MED12L: variants seen among roughly 807,000 people sequenced by gnomAD.
The protein encoded by MED12L is mediator complex subunit 12L, also known as mediator of RNA polymerase II transcription subunit 12-like protein.
In MED12L, 60 loss-of-function variants were observed where a neutral mutation model predicts 281.3. The observed-to-expected ratio is 0.21, with a 90% confidence interval of 0.17 to 0.26. The LOEUF is 0.26. Among genes scored for constraint, MED12L ranks in the 10% least tolerant of loss-of-function variants. MED12L has a pLI of 1.00. For synonymous variants in MED12L, 974 were observed against 987.2 expected, an observed-to-expected ratio of 0.99 and a Z score of 0.25; for missense variants, 2,146 against 2,680.9, an observed-to-expected ratio of 0.80 and a Z score of 4.41.
At chr3:151,191,905 A>T (rs1035573411) in intron 14 of MED12L, among the ~76,000 whole-genome samples, 1 of 151,970 alleles carries the variant, frequency 6.6e-6, no homozygotes, top group Non-Finnish European at 1.5e-5. Context: ...AAACTGTCTC[A>T]AAAAAACAAA....
chr3:151,120,697 A>G (rs1034188578), intron 3 of MED12L, among the ~76,000 whole-genome samples: 10 of 152,240 alleles, frequency 6.6e-5, no homozygotes, highest in African/African-American at 2.4e-4. Context: ...TAAGAAATGA[A>G]TCAAATTGTT....
At chr3:151,108,621 G>A (rs1422095382) in intron 2 of MED12L, among the ~76,000 whole-genome samples, 1 of 152,092 alleles carries the variant, frequency 6.6e-6, no homozygotes, top group African/African-American at 2.4e-5. Context: ...GCGCATAGAG[G>A]GATATTTTTC....
At chr3:151,325,749 G>A (rs1749521235) in intron 16 of MED12L, among the ~76,000 whole-genome samples, 1 of 152,086 alleles carries the variant, frequency 6.6e-6, no homozygotes, top group Non-Finnish European at 1.5e-5. Context: ...CCCAAAAATT[G>A]TATACTTTAG....
At chr3:151,170,869 G>T (rs1201709112) in intron 11 of MED12L, among the ~76,000 whole-genome samples, 1 of 152,152 alleles carries the variant, frequency 6.6e-6, no homozygotes, top group Non-Finnish European at 1.5e-5. Context: ...GGTGGTGGGG[G>T]TTGAGGTGTC....
chr3:151,179,389 G>A (rs760500824), intron 11 of MED12L, among the ~76,000 whole-genome samples: 7 of 152,166 alleles, frequency 4.6e-5, no homozygotes, highest in Non-Finnish European at 8.8e-5. Context: ...TATTTGGTCA[G>A]GGCTGGTCTA....
chr3:151,251,039 A>G (rs746815108), intron 16 of MED12L, among the ~76,000 whole-genome samples: 7 of 152,202 alleles, frequency 4.6e-5, no homozygotes, highest in Non-Finnish European at 1.0e-4. Context: ...GTACTTTGGC[A>G]TACTGCCCTT....
At chr3:151,118,090 CAAAAAA>C (rs778516389) in intron 3 of MED12L, among the ~76,000 whole-genome samples, 6 of 87,832 alleles carry the variant, frequency 6.8e-5, no homozygotes, top group African/African-American at 2.2e-4. Context: ...GACTCCATCT[CAAAAAA>C]AAAAAAAAAA....
In MED12L at chr3:151,344,708, C is replaced by A. The variant is rs529284461; in HGVS notation, c.2251-5351C>A. ...TGTCTTATCAGAAGGACAATTACAT[C>A]CACTTCATCTGTTTTTATTAGTGTT... On this transcript the variant is annotated intron_variant, in intron 16 of 44. Coordinates refer to ENST00000687756, the MANE Select transcript of MED12L (RefSeq NM_001393769.1). Among the ~76,000 whole-genome samples the A allele has an allele frequency of 2.6e-5, 4 of 152,252 alleles. No homozygotes were observed. In the South Asian group the frequency reaches 8.3e-4, roughly 32 times the overall value.
At position 151,360,600 on chromosome 3, in the gene MED12L, C is replaced by T. The variant is rs762879011; in HGVS notation, c.2952C>T (p.Leu984=). The T allele has an allele frequency of 1.2e-6, 2 of 1,611,664 alleles. No homozygotes were observed. Among genetic ancestry groups the T allele is most frequent in the African/African-American group, 1.3e-5 (1 of 74,800 alleles). ...CSHLRSKFGD[L]FSSACSKVKQ... is the part of the protein sequence containing the mutation. The stretch of plus-strand genomic sequence containing the variant: ...ACCTCAGAAGTAAATTTGGAGACCT[C>T]TTCAGGTGAGTAGAAGAGACTCAAA... Residue 984 remains leucine, a synonymous_variant, in exon 21 of 45, where the codon CTC becomes CTT. Transcript: ENST00000687756.
chr3:151,176,857 G>A (rs1367811437), intron 11 of MED12L, among the ~76,000 whole-genome samples: 1 of 152,184 alleles, frequency 6.6e-6, no homozygotes, highest in Admixed American at 6.5e-5. Context: ...TTAATTAAGT[G>A]CATCTGTAAA....
chr3:151,325,593 T>C (rs1267528501), intron 16 of MED12L, among the ~76,000 whole-genome samples: 2 of 152,238 alleles, frequency 1.3e-5, no homozygotes, highest in Non-Finnish European at 2.9e-5. Flanking sequence ...CTCTCTACTA[T>C]GCCTCTTCAC....
chr3:151,155,031 A>G (rs1358864358), intron 5 of MED12L, among the ~76,000 whole-genome samples: 1 of 152,250 alleles, frequency 6.6e-6, no homozygotes, highest in African/African-American at 2.4e-5. Context: ...AAAACTTAAC[A>G]GTAGTTATCT....
At chr3:151,369,251 A>C (rs1755879700) in intron 25 of MED12L, among the ~76,000 whole-genome samples, 185 bp from the exon 26 acceptor site, 1 of 152,216 alleles carries the variant, frequency 6.6e-6, no homozygotes. Flanking sequence ...TTAATAAATA[A>C]AAAGAAAAGG....
intron 16 of MED12L, among the ~76,000 whole-genome samples, chr3:151,298,522 G>A (rs1304009694): frequency 3.9e-5 from 6 of 152,192 alleles, no homozygotes; most frequent in Non-Finnish European, 8.8e-5. Context: ...GACACAGAGC[G>A]ATAATTGAGA....
chr3:151,133,286 G>T (rs1246980951), intron 5 of MED12L, among the ~76,000 whole-genome samples: 1 of 152,176 alleles, frequency 6.6e-6, no homozygotes, highest in East Asian at 1.9e-4. Flanking sequence ...AGTTAAGTGG[G>T]CTCACAGCAA....
chr3:151,351,941 CATT>C (rs1249793556), intron 17 of MED12L, among the ~76,000 whole-genome samples: 7 of 152,282 alleles, frequency 4.6e-5, no homozygotes, highest in Admixed American at 6.5e-5. Flanking sequence ...AAGCGAAAAA[CATT>C]GTTGTTCTGT....
chr3:151,294,972 G>A (rs746260107), intron 16 of MED12L: 1 of 1,613,954 alleles, frequency 6.2e-7, no homozygotes, highest in Non-Finnish European at 8.5e-7. Flanking sequence ...GGAAATGTCA[G>A]CGTCATTATG....
intron 16 of MED12L, among the ~76,000 whole-genome samples, chr3:151,301,864 T>C (rs1745974096): frequency 6.6e-6 from 1 of 152,204 alleles, no homozygotes; most frequent in Non-Finnish European, 1.5e-5. Flanking sequence ...AAAGTTAAAA[T>C]CAAATGTATC....
At chr3:151,236,548 G>A (rs1732858354) in intron 16 of MED12L, among the ~76,000 whole-genome samples, 1 of 152,042 alleles carries the variant, frequency 6.6e-6, no homozygotes, top group Non-Finnish European at 1.5e-5. Context: ...TGTCTAAATG[G>A]TCCATCCTCC....
Sources: gnomAD v4.1 joint callset for allele counts (sites outside exome capture counted in the v4.1 genomes callset) on GRCh38, gnomAD v4.1.1 for gene constraint, MANE v1.5 for transcripts, NCBI Gene and HGNC (gene_info 2026-07-23, HGNC 2026-07-21) for gene names.